The following PLD1 variants were observed in gnomAD, a reference collection of about 807,000 sequenced individuals.
PLD1 encodes phospholipase D1, also known as choline phosphatase 1.
In PLD1, 112 loss-of-function variants were observed where a neutral mutation model predicts 137.1. That is an observed-to-expected ratio of 0.82 (90% CI 0.70 to 0.96). The LOEUF is 0.96. Ranked by LOEUF, PLD1 falls within the 40% of genes least tolerant of loss-of-function variation. The probability of loss-of-function intolerance (pLI) is 0.00; values close to 1 mark genes in which losing one functional copy is unlikely to be tolerated. For synonymous variants in PLD1, 431 were observed against 454.7 expected (o/e 0.95, Z 0.66); for missense variants, 1,321 against 1,342.0 (o/e 0.98, Z 0.24).
chr3:171,756,767 T>C (rs1721061832), intron 1 of PLD1, among the ~76,000 whole-genome samples: 1 of 152,122 alleles, frequency 6.6e-6, no homozygotes, highest in Non-Finnish European at 1.5e-5. Flanking sequence ...GCAAAATTCA[T>C]TAAAGAAATG....
chr3:171,644,864 G>T, intron 22 of PLD1, 46 bp downstream of exon 22: 1 of 1,098,074 alleles, frequency 9.1e-7, no homozygotes, highest in Non-Finnish European at 1.4e-6. Context: ...CAGCTTACAT[G>T]ATGCATGACC....
At chr3:171,678,981 T>A (rs752320388) in intron 16 of PLD1, among the ~76,000 whole-genome samples, 1 of 88,602 alleles carries the variant, frequency 1.1e-5, no homozygotes, top group Non-Finnish European at 2.5e-5. Flanking sequence ...ACATTAGCTA[T>A]CACCTGCCAT....
At chr3:171,638,958 T>C (rs903916197) in intron 23 of PLD1, among the ~76,000 whole-genome samples, 1 of 152,084 alleles carries the variant, frequency 6.6e-6, no homozygotes, top group Non-Finnish European at 1.5e-5. Context: ...TCTGCTTCTG[T>C]TGGAATCTCG....
chr3:171,698,934 C>T (rs532591139), intron 12 of PLD1, among the ~76,000 whole-genome samples: 3 of 148,330 alleles, frequency 2.0e-5, no homozygotes, highest in African/African-American at 7.5e-5. Context: ...CGAGACTGCA[C>T]CATTGCACTC....
chr3:171,782,107 G>A (rs946614435), intron 1 of PLD1, among the ~76,000 whole-genome samples: 4 of 152,166 alleles, frequency 2.6e-5, no homozygotes, highest in African/African-American at 7.2e-5. Context: ...GAAACATTAC[G>A]CTGAGTGAAA....
At chr3:171,762,939 C>G (rs111629680) in intron 1 of PLD1, among the ~76,000 whole-genome samples, 3 of 152,268 alleles carry the variant, frequency 2.0e-5, no homozygotes, top group African/African-American at 4.8e-5. Context: ...CTTAAGTAAG[C>G]AATTTTACTT....
chr3:171,791,763 T>C (rs959344337), intron 1 of PLD1: 4 of 142,246 alleles, frequency 2.8e-5, no homozygotes, highest in African/African-American at 1.0e-4. Context: ...TGAAGAGTCT[T>C]TCACTCCTTT....
intron 18 of PLD1, among the ~76,000 whole-genome samples, chr3:171,674,994 A>AAAAAAAG (rs1713202700): frequency 6.7e-6 from 1 of 148,786 alleles, no homozygotes; most frequent in African/African-American, 2.5e-5. Context: ...AAAAAAAAAA[A>AAAAAAAG]AAAAAGAAAA....
At chr3:171,613,982 C>A (rs1316616848) in intron 24 of PLD1, among the ~76,000 whole-genome samples, 2 of 152,210 alleles carry the variant, frequency 1.3e-5, no homozygotes, top group African/African-American at 4.8e-5. Context: ...AACAGGCACC[C>A]TGGCGGCCCT....
intron 21 of PLD1, chr3:171,653,820 T>C (rs1736981222): frequency 1.3e-5 from 2 of 155,760 alleles, no homozygotes; most frequent in African/African-American, 4.8e-5. Context: ...TATATTCATA[T>C]AAGCTACGTA....
intron 1 of PLD1, among the ~76,000 whole-genome samples, chr3:171,768,286 A>G (rs370713532): frequency 4.6e-5 from 7 of 152,076 alleles, no homozygotes; most frequent in Admixed American, 4.6e-4. Context: ...AATCTCCCAC[A>G]TTTTCTGGTA....
intron 16 of PLD1, among the ~76,000 whole-genome samples, chr3:171,684,824 C>A (rs897687828): frequency 6.6e-6 from 1 of 152,160 alleles, no homozygotes; most frequent in Non-Finnish European, 1.5e-5. Context: ...TGGGCTCAAG[C>A]AATCCTCCTG....
At chr3:171,740,754 C>T (rs1391436243) in intron 1 of PLD1, among the ~76,000 whole-genome samples, 1 of 152,104 alleles carries the variant, frequency 6.6e-6, no homozygotes, top group Non-Finnish European at 1.5e-5. Context: ...ACAAAGAAAA[C>T]ATCTTATCAT....
chr3:171,796,877 A>G (rs1254782662), intron 1 of PLD1, among the ~76,000 whole-genome samples: 1 of 152,072 alleles, frequency 6.6e-6, no homozygotes, highest in Non-Finnish European at 1.5e-5. Flanking sequence ...TTGCTTCTGG[A>G]TGGGGCTGCC....
chr3:171,722,935 AAT>A (rs1181100191), intron 8 of PLD1, among the ~76,000 whole-genome samples: 1 of 152,152 alleles, frequency 6.6e-6, no homozygotes, highest in Non-Finnish European at 1.5e-5. Flanking sequence ...ACAAGCATAT[AAT>A]GTGTAATAAT....
chr3:171,641,196 G>T lies in PLD1; in HGVS notation c.2593+1644C>A, dbSNP rs1003524182. 2.0e-5 allele frequency among the ~76,000 whole-genome samples: 3 copies of T among 152,042 alleles called. No individual in the cohort carries two copies. The East Asian group carries it at 5.8e-4, about 29-fold the overall frequency. ...TCATGGAGCTGAGAAGAGGGAGATG[G>T]GTATATGGCAAGTTAAAATGCCACA... On this transcript the variant is annotated intron_variant, in intron 23 of 26. Transcript: ENST00000351298.
At chr3:171,620,278 T>C (rs1407241648) in intron 24 of PLD1, 108 bp downstream of exon 24, 3 of 704,602 alleles carry the variant, frequency 4.3e-6, no homozygotes, top group African/African-American at 1.8e-5. Flanking sequence ...ATGGTGTTAC[T>C]GTCTGTTTCA....
chr3:171,763,241 C>T (rs1721525011), intron 1 of PLD1, among the ~76,000 whole-genome samples: 1 of 151,680 alleles, frequency 6.6e-6, no homozygotes, highest in Admixed American at 6.6e-5. Context: ...CATGGAAAGA[C>T]ACTGAAAGAA....
Position 171,662,118 on chromosome 3 carries a change from G to T in PLD1, c.2282C>A (p.Ser761Tyr). The change falls in exon 20 of 27, where the codon TCC (serine) becomes TAC (tyrosine). Residue 761 changes from serine to tyrosine, a missense_variant. Transcript: ENST00000351298. ...CACATGGACGTAAGCGGCGTGGATG[G>T]ACTCTTCATGGTACTTTATACCAGC... ...WSAGIKYHEE[S>Y]IHAAYVHVIE... The T allele has an allele frequency of 6.2e-7, 1 of 1,613,702 alleles. No homozygotes were observed. The highest frequency in any genetic ancestry group is 1.1e-5 in the South Asian group (1 of 91,078).
Sources: gnomAD v4.1 joint callset for allele counts (sites outside exome capture counted in the v4.1 genomes callset) on GRCh38, gnomAD v4.1.1 for gene constraint, MANE v1.5 for transcripts, NCBI Gene and HGNC (gene_info 2026-07-23, HGNC 2026-07-21) for gene names.